The following DNAJC2 variants were observed in gnomAD, a reference collection of about 807,000 sequenced individuals.
DNAJC2 encodes dnaJ homolog subfamily C member 2.
A neutral mutation model predicts 94.0 loss-of-function variants in DNAJC2; 32 were observed. The ratio of observed to expected loss-of-function variants is 0.34; its 90% CI spans 0.26 to 0.46. The LOEUF is 0.46. Among genes scored for constraint, DNAJC2 ranks in the 20% least tolerant of loss-of-function variants. DNAJC2 has a pLI of 1.00. For synonymous variants in DNAJC2, 210 were observed against 229.7 expected (o/e 0.91, Z 0.77); for missense variants, 550 against 719.5 (o/e 0.76, Z 2.69).
Position 103,321,977 on chromosome 7 carries a change from T to C in DNAJC2, c.1038A>G (p.Lys346=), listed in dbSNP as rs1586080657. 1.2e-6 allele frequency: 2 copies of C among 1,614,048 alleles called. No individual in the cohort carries two copies. Among genetic ancestry groups the C allele is most frequent in the Non-Finnish European group, 1.7e-6 (2 of 1,179,994 alleles). The change falls in exon 10 of 17, where the codon AAA becomes AAG. Residue 346 remains lysine, a synonymous_variant. Coordinates refer to ENST00000379263, the MANE Select transcript of DNAJC2 (RefSeq NM_014377.3). The part of the protein sequence containing the change: ...LLAKKEKDIQ[K]KAIKKERQKL... The stretch of plus-strand genomic sequence containing the variant: ...TTTGCCTTTCCTTCTTAATGGCTTT[T>C]TTCTGGATATCTTTTTCCTTCTTTG...
Position 103,324,544 on chromosome 7 carries a change from A to G in DNAJC2, c.591T>C (p.Asn197=). 1 of 1,485,858 alleles carries G rather than the reference A, an allele frequency of 6.7e-7. No individual in the cohort carries two copies. The highest frequency in any genetic ancestry group is 1.8e-4 in the Middle Eastern group (1 of 5,616). 92.0% of individuals were successfully genotyped at this position (1,485,858 alleles called of 1,614,324 possible). A position where few individuals can be genotyped will look rare whatever the true frequency, so the allele number is the denominator to read the frequency against. ...AATTCATATCACCAAGTTTAGGAAC[A>G]TTTTTTTTATTTGACCATCTGAAAT... ...ERNSRWSNKK[N]VPKLGDMNSS... is the part of the protein sequence containing the mutation. The change falls in exon 6 of 17, where the codon AAT becomes AAC. Residue 197 remains asparagine, a synonymous_variant. Transcript: ENST00000379263.
At chr7:103,328,587 C>T (rs1274409444) in intron 3 of DNAJC2, among the ~76,000 whole-genome samples, 2 of 151,986 alleles carry the variant, frequency 1.3e-5, no homozygotes, top group Admixed American at 6.6e-5. Context: ...GCTGAGATGG[C>T]GCCACTGCAT....
At chr7:103,318,570 G>A (rs1027652014) in intron 12 of DNAJC2, among the ~76,000 whole-genome samples, 4 of 152,052 alleles carry the variant, frequency 2.6e-5, no homozygotes, top group Non-Finnish European at 5.9e-5. Flanking sequence ...GTTCTTCTCA[G>A]GTTCTTCTCA....
chr7:103,333,626 A>G (rs552048686), intron 3 of DNAJC2, among the ~76,000 whole-genome samples: 39 of 152,332 alleles, frequency 2.6e-4, no homozygotes, highest in Admixed American at 1.6e-3. Flanking sequence ...CGTTTCCATC[A>G]TCCAAAAAGT....
intron 3 of DNAJC2, among the ~76,000 whole-genome samples, chr7:103,332,252 G>A (rs547847514): frequency 4.0e-4 from 61 of 152,242 alleles, no homozygotes; most frequent in Admixed American, 3.1e-3. Flanking sequence ...TGATCCGCCC[G>A]CCTTGGCCTC....
At chr7:103,313,465 A>G in intron 15 of DNAJC2, 2 of 985,110 alleles carry the variant, frequency 2.0e-6, no homozygotes, top group Non-Finnish European at 2.4e-6. Flanking sequence ...ATTCATTAAG[A>G]GTTCTGATAA....
At position 103,328,614 on chromosome 7, in the gene DNAJC2, G is replaced by C. The variant is rs558214633; in HGVS notation, c.332-860C>G. 2.1e-4 allele frequency among the ~76,000 whole-genome samples: 32 copies of C among 151,968 alleles called. No individual in the cohort carries two copies. The South Asian group carries it at 6.4e-3, about 30-fold the overall frequency. On this transcript the variant is annotated intron_variant, in intron 3 of 16. Transcript: ENST00000379263. Reference sequence around the variant, plus strand: ...CCACTGCATTCCAGCCTGGGTGACAGAGTGAGACTCTGTGTCAAAAAGAAG... The same window carrying C: ...CCACTGCATTCCAGCCTGGGTGACACAGTGAGACTCTGTGTCAAAAAGAAG...
intron 6 of DNAJC2, 152 bp from the exon 7 acceptor site, chr7:103,323,815 G>C: frequency 3.3e-6 from 2 of 602,986 alleles, no homozygotes; most frequent in Non-Finnish European, 4.9e-6. Flanking sequence ...TAAGGACATT[G>C]CATTTGGTAT....
chr7:103,339,140 T>C lies in DNAJC2; in HGVS notation c.256-1329A>G, dbSNP rs551233685. The stretch of plus-strand genomic sequence containing the variant: ...CTGTTGATAGCTTATGGCCATCCTA[T>C]GGAACTTATGGCTACATGTTCTTGT... On this transcript the variant is annotated intron_variant, in intron 2 of 16. Coordinates refer to ENST00000379263, the MANE Select transcript of DNAJC2 (RefSeq NM_014377.3). Among the ~76,000 whole-genome samples, 101 of 152,352 alleles carry C rather than the reference T, an allele frequency of 6.6e-4. 1 individual carries two copies. In the South Asian group the frequency reaches 0.019, roughly 29 times the overall value.
intron 15 of DNAJC2, chr7:103,313,313 AGG>A: frequency 7.6e-7 from 1 of 1,309,542 alleles, no homozygotes; most frequent in Non-Finnish European, 9.7e-7. Context: ...AAAATCTCAA[AGG>A]CTTTTAAAAC....
chr7:103,313,154 A>G, intron 15 of DNAJC2, 53 bp from the exon 16 acceptor site: 1 of 1,561,308 alleles, frequency 6.4e-7, no homozygotes, highest in South Asian at 1.2e-5. Flanking sequence ...GTTCTCAGAC[A>G]AGTCTTGTGG....
Position 103,319,592 on chromosome 7 carries a change from ATG to A in DNAJC2, c.1242+15_1242+16del, listed in dbSNP as rs1474035245. The stretch of plus-strand genomic sequence containing the variant: ...TAAATGCTACATATAGGTAGGAGTG[ATG>A]TGTTCCTCTATTACCTGTTTTTCCA... On this transcript the variant is annotated intron_variant, in intron 12 of 16. Transcript: ENST00000379263. 1 of 1,612,474 alleles carries A rather than the reference ATG, an allele frequency of 6.2e-7. No homozygotes were observed.
In DNAJC2 at chr7:103,312,613, CT is replaced by C; in HGVS notation, c.1821del (p.Ala608LeufsTer7). ...GCATTCAGCACTTGTTCTTGAGCAG[CT>C]TTCTTTGCTTTTACCATCTCGACAA... ...KELVEMVKAK[K>X]AAQEQVLNAS... On this transcript the variant is annotated frameshift_variant, in exon 17 of 17. Transcript: ENST00000379263. LOFTEE classifies it high-confidence loss of function. 1 of 1,613,626 alleles carries C rather than the reference CT, an allele frequency of 6.2e-7. No individual in the cohort carries two copies. Among genetic ancestry groups the C allele is most frequent in the Non-Finnish European group, 8.5e-7 (1 of 1,179,830 alleles).
intron 3 of DNAJC2, among the ~76,000 whole-genome samples, chr7:103,329,812 T>C (rs1442046381): frequency 6.6e-6 from 1 of 152,228 alleles, no homozygotes; most frequent in Admixed American, 6.5e-5. Flanking sequence ...TTTTGCTTAT[T>C]TGTCTTGCAT....
At chr7:103,334,865 CCT>C (rs920454727) in intron 3 of DNAJC2, among the ~76,000 whole-genome samples, 6 of 152,034 alleles carry the variant, frequency 3.9e-5, no homozygotes, top group African/African-American at 1.2e-4. Flanking sequence ...AGGCAGTTTC[CCT>C]CTGTCACCCA....
At chr7:103,327,492 G>T (rs1013816509) in intron 4 of DNAJC2, 164 bp downstream of exon 4, 3 of 682,068 alleles carry the variant, frequency 4.4e-6, no homozygotes, top group Non-Finnish European at 7.3e-6. Context: ...ACTTTGTGTC[G>T]TGAGGCTCTG....
chr7:103,330,490 T>C lies in DNAJC2; in HGVS notation c.332-2736A>G, dbSNP rs533381971. ...TTATTGAGATGGAGTTTTGCTCTTG[T>C]TGCCCAGGCTGGAGTGCAGTGGCAC... On this transcript the variant is annotated intron_variant, in intron 3 of 16. Transcript: ENST00000379263. Among the ~76,000 whole-genome samples, 141 of 152,186 alleles carry C rather than the reference T, an allele frequency of 9.3e-4. 3 individuals carry two copies. Among genetic ancestry groups the C allele is most frequent in the Admixed American group, 9.2e-3 (140 of 15,280 alleles).
At chr7:103,323,885 CTTTG>C (rs1563463298) in intron 6 of DNAJC2, among the ~76,000 whole-genome samples, 1 of 152,138 alleles carries the variant, frequency 6.6e-6, no homozygotes, top group African/African-American at 2.4e-5. Context: ...GCTATCTCTT[CTTTG>C]TTAGGTTTTT....
chr7:103,318,762 T>C (rs1818215303), intron 12 of DNAJC2, among the ~76,000 whole-genome samples: 1 of 152,242 alleles, frequency 6.6e-6, no homozygotes, highest in African/African-American at 2.4e-5. Flanking sequence ...TAACTGTTAT[T>C]ACCCTATGAA....
Sources: allele counts gnomAD v4.1 joint callset (sites outside exome capture counted in the v4.1 genomes callset), GRCh38; gene constraint gnomAD v4.1.1; transcripts MANE v1.5; gene names NCBI Gene and HGNC (gene_info 2026-07-23, HGNC 2026-07-21).